Variants in KCNH1 observed in about 807,000 individuals in gnomAD.
KCNH1 encodes voltage-gated delayed rectifier potassium channel KCNH1.
In KCNH1, 27 loss-of-function variants were observed where a neutral mutation model predicts 69.2. That is an observed-to-expected ratio of 0.39 (90% confidence interval 0.29 to 0.54). KCNH1 has a LOEUF of 0.54. Ranked by LOEUF, KCNH1 falls within the 20% of genes least tolerant of loss-of-function variation. The pLI is 0.68. For synonymous variants in KCNH1, 456 were observed against 487.7 expected, an observed-to-expected ratio of 0.93 and a Z score of 0.86; for missense variants, 798 against 1,261.6, an observed-to-expected ratio of 0.63 and a Z score of 5.57.
chr1:210,836,297 T>C (rs1358018665), intron 7 of KCNH1, among the ~76,000 whole-genome samples: 5 of 152,112 alleles, frequency 3.3e-5, no homozygotes, highest in Non-Finnish European at 7.3e-5. Context: ...GTAATAGAAC[T>C]GGAAAGTGCT....
chr1:210,766,852 T>C (rs368071164), intron 10 of KCNH1, among the ~76,000 whole-genome samples: 1 of 152,252 alleles, frequency 6.6e-6, no homozygotes, highest in Non-Finnish European at 1.5e-5. Context: ...TGAGCTCATA[T>C]GCAGGCATTC....
intron 7 of KCNH1, among the ~76,000 whole-genome samples, chr1:210,833,938 T>G (rs1476005336): frequency 6.6e-6 from 1 of 152,192 alleles, no homozygotes; most frequent in Non-Finnish European, 1.5e-5. Flanking sequence ...GAAAAAATGC[T>G]CACCATCACT....
chr1:211,059,292 A>T (rs1442035836), intron 5 of KCNH1, among the ~76,000 whole-genome samples: 1 of 149,964 alleles, frequency 6.7e-6, no homozygotes, highest in Non-Finnish European at 1.5e-5. Context: ...AAAAAAAAAA[A>T]ATAGAGAGAG....
chr1:210,798,260 C>T (rs563018134), intron 8 of KCNH1, among the ~76,000 whole-genome samples: 3 of 152,156 alleles, frequency 2.0e-5, no homozygotes, highest in South Asian at 2.1e-4. Flanking sequence ...AGGATGGTCT[C>T]GATCTCCTGA....
chr1:210,982,452 A>C (rs560209268), intron 6 of KCNH1, among the ~76,000 whole-genome samples: 33 of 151,464 alleles, frequency 2.2e-4, no homozygotes, highest in Non-Finnish European at 5.9e-5. Context: ...CCGGTATGTG[A>C]TGTTCCCCTT....
intron 6 of KCNH1, among the ~76,000 whole-genome samples, chr1:210,948,605 G>A (rs575015791): frequency 1.2e-4 from 19 of 152,050 alleles, no homozygotes; most frequent in Non-Finnish European, 1.6e-4. Context: ...TGAGGCGGGC[G>A]GATCACAAGG....
chr1:210,693,509 T>G (rs889424933), intron 10 of KCNH1, among the ~76,000 whole-genome samples: 1 of 152,076 alleles, frequency 6.6e-6, no homozygotes, highest in Non-Finnish European at 1.5e-5. Flanking sequence ...ATCACAGATA[T>G]GGAGGGGATG....
chr1:210,707,771 T>C (rs1403067388), intron 10 of KCNH1, among the ~76,000 whole-genome samples: 1 of 152,152 alleles, frequency 6.6e-6, no homozygotes, highest in African/African-American at 2.4e-5. Context: ...TTCCCTCCTC[T>C]TAGGAACCTA....
intron 3 of KCNH1, among the ~76,000 whole-genome samples, chr1:211,099,134 G>A (rs953298826): frequency 1.4e-4 from 21 of 152,220 alleles, no homozygotes; most frequent in African/African-American, 5.1e-4. Flanking sequence ...TTATATTTAT[G>A]AGGAATTTTA....
At chr1:211,073,492 A>G (rs1328101643) in intron 5 of KCNH1, among the ~76,000 whole-genome samples, 4 of 152,202 alleles carry the variant, frequency 2.6e-5, no homozygotes, top group Non-Finnish European at 5.9e-5. Context: ...ACACCTTAAC[A>G]AACAAATAGA....
chr1:210,701,784 G>C (rs1185582557), intron 10 of KCNH1, among the ~76,000 whole-genome samples: 2 of 151,854 alleles, frequency 1.3e-5, no homozygotes, highest in Non-Finnish European at 2.9e-5. Flanking sequence ...ATCGTTTCTG[G>C]GGCCATCTGT....
At chr1:210,868,313 G>GT (rs962637658) in intron 7 of KCNH1, among the ~76,000 whole-genome samples, 12 of 151,780 alleles carry the variant, frequency 7.9e-5, no homozygotes, top group South Asian at 4.2e-4. Flanking sequence ...AGTTGTATAA[G>GT]TTTTTTTTAA....
chr1:210,764,106 A>T (rs1448006989), intron 10 of KCNH1, among the ~76,000 whole-genome samples: 2 of 152,204 alleles, frequency 1.3e-5, no homozygotes, highest in African/African-American at 4.8e-5. Flanking sequence ...GCCAACAAAA[A>T]TAAACAATAG....
chr1:211,090,119 G>C (rs1314107000), intron 4 of KCNH1, among the ~76,000 whole-genome samples: 1 of 152,214 alleles, frequency 6.6e-6, no homozygotes, highest in Non-Finnish European at 1.5e-5. Flanking sequence ...ATCAACCACA[G>C]ATGCAAAGAT....
At chr1:210,780,701 G>A (rs1422358810) in intron 9 of KCNH1, among the ~76,000 whole-genome samples, 1 of 152,212 alleles carries the variant, frequency 6.6e-6, no homozygotes, top group Non-Finnish European at 1.5e-5. Flanking sequence ...CCAGGCAGAG[G>A]GATCAGCATG....
At chr1:210,770,736 G>A (rs1035616711) in intron 10 of KCNH1, among the ~76,000 whole-genome samples, 5 of 152,204 alleles carry the variant, frequency 3.3e-5, no homozygotes, top group Non-Finnish European at 7.3e-5. Flanking sequence ...GGTGGCAAAG[G>A]CCACTGGAGA....
chr1:210,751,904 T>C (rs1275001868), intron 10 of KCNH1, among the ~76,000 whole-genome samples: 1 of 151,870 alleles, frequency 6.6e-6, no homozygotes, highest in Non-Finnish European at 1.5e-5. Flanking sequence ...CAGAACACCA[T>C]GGAAACACAA....
chr1:210,781,541 G>GA (rs550524938), intron 9 of KCNH1, among the ~76,000 whole-genome samples: 54 of 152,130 alleles, frequency 3.5e-4, no homozygotes, highest in Non-Finnish European at 6.2e-4. Flanking sequence ...CCTGGCCCTA[G>GA]AAAAAAACTC....
chr1:210,844,709 G>A (rs1685499222), intron 7 of KCNH1, among the ~76,000 whole-genome samples: 2 of 152,094 alleles, frequency 1.3e-5, no homozygotes, highest in Admixed American at 1.3e-4. Context: ...CTAGCAGAAG[G>A]CAAGAAATAA....
Sources: allele counts gnomAD v4.1 joint callset (sites outside exome capture counted in the v4.1 genomes callset), GRCh38; gene constraint gnomAD v4.1.1; transcripts MANE v1.5; gene names NCBI Gene and HGNC (gene_info 2026-07-23, HGNC 2026-07-21).